The following LRRC9 variants were observed in gnomAD, a reference collection of about 807,000 sequenced individuals.
LRRC9 encodes leucine rich repeat containing 9.
LRRC9 carries 122 observed loss-of-function variants against 63.2 expected under a neutral mutation model. The observed-to-expected ratio is 1.93, with a 90% CI of 1.67 to 2.24. The LOEUF is 2.24. Ranked by LOEUF, LRRC9 falls within the 30% of genes most tolerant of loss-of-function variation. The pLI is 0.00. For synonymous variants in LRRC9, 366 were observed against 213.1 expected (o/e 1.72, Z -6.25); for missense variants, 1,071 against 627.7 (o/e 1.71, Z -7.55).
chr14:59,989,020 G>T (rs1291573656), intron 17 of LRRC9, among the ~76,000 whole-genome samples: 1 of 152,006 alleles, frequency 6.6e-6, no homozygotes, highest in East Asian at 1.9e-4. Context: ...GAGAATGTAT[G>T]ATTTTTTTAC....
At chr14:59,954,740 A>AAAGGGAATG (rs1228924749) in intron 8 of LRRC9, among the ~76,000 whole-genome samples, 1 of 148,026 alleles carries the variant, frequency 6.8e-6, no homozygotes, top group Admixed American at 6.7e-5. Flanking sequence ...CTTCTACAAC[A>AAAGGGAATG]CTTCCAGCTT....
chr14:60,042,659 T>C lies in LRRC9; in HGVS notation c.3991-10406T>C, dbSNP rs1351264365. On this transcript the variant is annotated intron_variant, in intron 29 of 31. Coordinates refer to ENST00000445360, the Ensembl canonical transcript of LRRC9. This position sits in a 1 kb window ranked among gnomAD's most constrained non-coding sequence, Gnocchi z 4.2. Reference sequence around the variant, plus strand: ...CAGGTACTGCCTGTCATGGCTTCCCTTGGCTAGGAAAGGGAATTTCCCCAC... The same window carrying C: ...CAGGTACTGCCTGTCATGGCTTCCCCTGGCTAGGAAAGGGAATTTCCCCAC... Among the ~76,000 whole-genome samples, 1 of 152,202 alleles carries C rather than the reference T, an allele frequency of 6.6e-6. No homozygotes were observed. Among genetic ancestry groups the C allele is most frequent in the Non-Finnish European group, 1.5e-5 (1 of 68,048 alleles).
chr14:60,054,423 C>G (rs566948886), intron 30 of LRRC9, among the ~76,000 whole-genome samples: 48 of 152,186 alleles, frequency 3.2e-4, no homozygotes, highest in African/African-American at 1.0e-3. Flanking sequence ...CGCCCTCCCC[C>G]ATAGGTTCAA....
At chr14:60,047,823 C>A (rs904670769) in intron 29 of LRRC9, among the ~76,000 whole-genome samples, 3 of 152,140 alleles carry the variant, frequency 2.0e-5, no homozygotes, top group Non-Finnish European at 2.9e-5. Flanking sequence ...AACTCTCTAC[C>A]CCCCAGCAAC....
At chr14:60,022,831 C>T (rs1446883371) in exon 27 of LRRC9, 1 of 683,314 alleles carries the variant, frequency 1.5e-6, no homozygotes, top group Admixed American at 2.1e-5. Flanking sequence ...CCAGCTACAA[C>T]TTAACAGACT....
At chr14:59,934,765 T>C (rs1889995716) in intron 6 of LRRC9, among the ~76,000 whole-genome samples, 1 of 152,126 alleles carries the variant, frequency 6.6e-6, no homozygotes, top group Admixed American at 6.5e-5. Context: ...ATTCTAATTA[T>C]CAGGCTGGTA....
chr14:60,016,286 G>A (rs1890681092), intron 23 of LRRC9, among the ~76,000 whole-genome samples: 1 of 152,100 alleles, frequency 6.6e-6, no homozygotes, highest in South Asian at 2.1e-4. Flanking sequence ...GCTCACTGCA[G>A]CCTCTGAACT....
intron 23 of LRRC9, among the ~76,000 whole-genome samples, chr14:60,012,122 G>C (rs1377922236): frequency 2.6e-5 from 4 of 152,184 alleles, no homozygotes; most frequent in Non-Finnish European, 5.9e-5. Context: ...AGTGGGTGCA[G>C]AGGTAGGTAG....
At chr14:59,925,477 GC>G (rs1325202495) in intron 1 of LRRC9, among the ~76,000 whole-genome samples, 3 of 152,170 alleles carry the variant, frequency 2.0e-5, no homozygotes, top group Admixed American at 2.0e-4. Context: ...CTAATGGGCA[GC>G]TAATGCCATT....
At chr14:60,015,146 T>C (rs1285708974) in intron 23 of LRRC9, among the ~76,000 whole-genome samples, 1 of 152,196 alleles carries the variant, frequency 6.6e-6, no homozygotes, top group Non-Finnish European at 1.5e-5. Flanking sequence ...ATATCTTCTA[T>C]TGCTTTGCTA....
At chr14:59,937,797 A>G (rs971002397) in intron 6 of LRRC9, among the ~76,000 whole-genome samples, 1 of 152,158 alleles carries the variant, frequency 6.6e-6, no homozygotes, top group Admixed American at 6.6e-5. Flanking sequence ...CTCCTCATCC[A>G]TAGGTTGTGA....
At chr14:59,981,697 T>G in intron 15 of LRRC9, 151 bp from the exon 16 acceptor site, 2 of 591,780 alleles carry the variant, frequency 3.4e-6, no homozygotes, top group Non-Finnish European at 6.0e-6. Flanking sequence ...AATTTTAATC[T>G]GCTCTCATAG....
chr14:59,998,536 C>T (rs1266954714), intron 18 of LRRC9, among the ~76,000 whole-genome samples: 1 of 152,040 alleles, frequency 6.6e-6, no homozygotes, highest in Non-Finnish European at 1.5e-5. Context: ...ATCTTCCTTT[C>T]TCTGCCTTTA....
intron 29 of LRRC9, among the ~76,000 whole-genome samples, chr14:60,036,400 C>T (rs141073852): frequency 2.8e-3 from 425 of 152,284 alleles, no homozygotes; most frequent in African/African-American, 9.5e-3. Context: ...GTCCCTTTAG[C>T]TCTTCCAGTC....
chr14:60,018,597 T>G, intron 25 of LRRC9, 118 bp downstream of exon 25: 1 of 396,424 alleles, frequency 2.5e-6, no homozygotes, highest in Non-Finnish European at 4.5e-6. Context: ...AAATTTTCTT[T>G]GGGTTTTTTT....
chr14:60,057,703 A>T (rs1489391075), intron 30 of LRRC9, 175 bp from the exon 31 acceptor site: 1 of 405,540 alleles, frequency 2.5e-6, no homozygotes, highest in Non-Finnish European at 4.4e-6. Context: ...TAACTCCCCA[A>T]AAAGCTCTGC....
rs369591810 is a variant in LRRC9 at position 59,943,130 on chromosome 14, T to A, written c.727-1459T>A. 1.3e-5 allele frequency among the ~76,000 whole-genome samples: 2 copies of A among 152,294 alleles called. 1 individual carries two copies. ...CCTTCCATAGGTTGTCTCTTCACTC[T>A]GTTGATTGTTTCCTTTTGCTGTGCA... On this transcript the variant is annotated intron_variant, in intron 7 of 31. Transcript: ENST00000445360.
intron 13 of LRRC9, 126 bp from the exon 14 acceptor site, chr14:59,977,099 C>A (rs988664036): frequency 3.5e-6 from 2 of 570,706 alleles, no homozygotes; most frequent in Admixed American, 3.4e-5. Context: ...CAGTAGCAAA[C>A]AAGAGAGCCA....
At position 59,930,233 on chromosome 14, in the gene LRRC9, A is replaced by T. The variant is rs1889581859; in HGVS notation, c.268-685A>T. 6.6e-6 allele frequency among the ~76,000 whole-genome samples: 1 copy of T among 152,040 alleles called. No individual in the cohort carries two copies. Among genetic ancestry groups the T allele is most frequent in the Non-Finnish European group, 1.5e-5 (1 of 67,950 alleles). ...CTATTGGCTGTGTTGAAATTATAAC[A>T]TCTATTTTGAAAAGAAATATTGCAA... is the stretch of plus-strand genomic sequence containing the variant. On this transcript the variant is annotated intron_variant, in intron 3 of 31. Transcript: ENST00000445360. This position sits in a 1 kb window ranked among gnomAD's most constrained non-coding sequence, Gnocchi z 4.9.
Sources: allele counts gnomAD v4.1 joint callset (sites outside exome capture counted in the v4.1 genomes callset), GRCh38; gene constraint gnomAD v4.1.1; non-coding constraint Gnocchi (gnomAD v3.1); transcripts MANE v1.5; gene names NCBI Gene and HGNC (gene_info 2026-07-23, HGNC 2026-07-21).